DNAH12: variants seen among roughly 807,000 people sequenced by gnomAD.
DNAH12 encodes dynein axonemal heavy chain 12, also known as axonemal beta dynein heavy chain 12.
A neutral mutation model predicts 371.5 loss-of-function variants in DNAH12; 285 were observed. The ratio of observed to expected loss-of-function variants is 0.77; its 90% CI spans 0.70 to 0.85. The LOEUF (loss-of-function observed/expected upper bound fraction) is 0.85, where lower values mean the gene tolerates loss of function less well. Among genes scored for constraint, DNAH12 ranks in the 40% least tolerant of loss-of-function variants. The probability of loss-of-function intolerance (pLI) is 0.00; values close to 1 mark genes in which losing one functional copy is unlikely to be tolerated. For missense variants in DNAH12, 3,611 were observed against 3,689.4 expected (o/e 0.98, Z 0.55); for synonymous variants, 1,200 against 1,213.0 (o/e 0.99, Z 0.22).
intron 13 of DNAH12, among the ~76,000 whole-genome samples, chr3:57,482,385 C>G (rs1197766569): frequency 2.0e-5 from 3 of 152,052 alleles, no homozygotes; most frequent in Non-Finnish European, 4.4e-5. Context: ...CCATCTCACA[C>G]CAGTTAGAAT....
At chr3:57,424,603 C>G (rs1259686098) in intron 35 of DNAH12, among the ~76,000 whole-genome samples, 1 of 151,810 alleles carries the variant, frequency 6.6e-6, no homozygotes, top group Non-Finnish European at 1.5e-5. Context: ...TGGTGAAACT[C>G]CGTCTCTACT....
chr3:57,323,140 G>C lies in DNAH12; in HGVS notation c.10250C>G (p.Thr3417Ser). 5 of 1,552,376 alleles carry C rather than the reference G, an allele frequency of 3.2e-6. No homozygotes were observed. The highest frequency in any genetic ancestry group is 4.4e-6 in the Non-Finnish European group (5 of 1,147,148). Residue 3417 changes from threonine to serine, a missense_variant, in exon 64 of 74, where the codon ACT becomes AGT. By Grantham distance (58) the Thr-to-Ser change is moderately conservative. This residue lies in a region of DNAH12 where 2,266 missense variants were observed against 2,236.9 expected (regional missense o/e 1.01). Transcript: ENST00000495027. ...KMIKAAIEEG[T>S]WVCLQNCHLA... ...ATGGCAATTCTGTAGGCACACCCAAGTTCCTTCTTCAATTGCTGCTTTAAT... is the reference window on the plus strand; with the variant it reads ...ATGGCAATTCTGTAGGCACACCCAACTTCCTTCTTCAATTGCTGCTTTAAT...
chr3:57,533,468 A>G (rs945539150), intron 2 of DNAH12, among the ~76,000 whole-genome samples: 4 of 151,796 alleles, frequency 2.6e-5, no homozygotes, highest in Admixed American at 6.6e-5. Context: ...ATTTCAGACA[A>G]GCCAGCATGC....
At chr3:57,302,059 A>G (rs2061358979) in intron 69 of DNAH12, 120 bp from the exon 70 acceptor site, 1 of 1,013,572 alleles carries the variant, frequency 9.9e-7, no homozygotes, top group Admixed American at 2.4e-5. Flanking sequence ...AAAATGTGTC[A>G]CCTCCCATGT....
chr3:57,543,077 T>C (rs1015628979), intron 1 of DNAH12, among the ~76,000 whole-genome samples, 174 bp from the exon 2 acceptor site: 10 of 152,196 alleles, frequency 6.6e-5, no homozygotes, highest in Admixed American at 3.3e-4. Context: ...GGATTCCTGT[T>C]AGAACTCTAA....
chr3:57,397,425 C>T (rs2063767188), intron 43 of DNAH12, among the ~76,000 whole-genome samples: 1 of 152,192 alleles, frequency 6.6e-6, no homozygotes, highest in Admixed American at 6.5e-5. Context: ...GCTCCTTCCT[C>T]AGGACAGAAG....
Position 57,523,573 on chromosome 3 carries a change from T to C in DNAH12, c.279+10A>G, listed in dbSNP as rs1474164295. On this transcript the variant is annotated intron_variant, in intron 4 of 73. Coordinates refer to ENST00000495027, the MANE Select transcript of DNAH12 (RefSeq NM_001366028.2). ...ATTTTCAAACAAGAAATATAAAAACTTGAACTCACTCCTTTTTTTTTCATT... is the reference window on the plus strand; with the variant it reads ...ATTTTCAAACAAGAAATATAAAAACCTGAACTCACTCCTTTTTTTTTCATT... The C allele has an allele frequency of 5.1e-6, 8 of 1,581,682 alleles. No homozygotes were observed. The highest frequency in any genetic ancestry group is 6.9e-6 in the Non-Finnish European group (8 of 1,164,484).
chr3:57,323,385 C>CG (rs2061855740), intron 63 of DNAH12, 84 bp downstream of exon 63: 3 of 1,472,322 alleles, frequency 2.0e-6, no homozygotes, highest in Admixed American at 5.4e-5. Flanking sequence ...GATTTACTAA[C>CG]TGATTTATAA....
intron 62 of DNAH12, among the ~76,000 whole-genome samples, chr3:57,333,284 T>C (rs144046767): frequency 0.014 from 2,108 of 149,838 alleles, 38 homozygotes; most frequent in African/African-American, 0.05. Flanking sequence ...ACTGGGATTA[T>C]AGGCATGAGC....
Position 57,468,894 on chromosome 3 carries a change from G to A in DNAH12, c.2191C>T (p.Leu731=). The change falls in exon 17 of 74, where the codon CTA becomes TTA. Residue 731 remains leucine (L), a synonymous_variant. Coordinates refer to ENST00000495027, the MANE Select transcript of DNAH12 (RefSeq NM_001366028.2). ...EEFSREIFKT[L]KFFQTKLKKE... Reference sequence around the variant, plus strand: ...TTTAGCTTCGTTTGGAAAAATTTTAGTGTCTTAAAAATTTCTCGGGAAAAC... The same window carrying A: ...TTTAGCTTCGTTTGGAAAAATTTTAATGTCTTAAAAATTTCTCGGGAAAAC... 1.3e-6 allele frequency: 2 copies of A among 1,523,160 alleles called. No homozygotes were observed. Among genetic ancestry groups the A allele is most frequent in the African/African-American group, 1.4e-5 (1 of 70,642 alleles). 94.4% of individuals were successfully genotyped at this position (1,523,160 alleles called of 1,614,324 possible).
At position 57,519,194 on chromosome 3, in the gene DNAH12, C is replaced by A. The variant is rs570679805; in HGVS notation, c.279+4389G>T. Among the ~76,000 whole-genome samples the A allele has an allele frequency of 2.6e-5, 4 of 152,262 alleles. No individual in the cohort carries two copies. In the East Asian group the frequency reaches 7.7e-4, roughly 29 times the overall value. ...GCGTGCTTATTTGCCATCCGTGTAT[C>A]CTCTATGGTAAAATGTCTGTTCATA... On this transcript the variant is annotated intron_variant, in intron 4 of 73. Transcript: ENST00000495027.
intron 2 of DNAH12, among the ~76,000 whole-genome samples, chr3:57,529,864 C>G (rs2068780671): frequency 6.6e-6 from 1 of 152,008 alleles, no homozygotes; most frequent in Admixed American, 6.6e-5. Flanking sequence ...TTGATGTAGA[C>G]ACTTATAGCT....
At chr3:57,411,549 A>AG (rs2064205769) in intron 39 of DNAH12, among the ~76,000 whole-genome samples, 1 of 92,694 alleles carries the variant, frequency 1.1e-5, no homozygotes, top group Admixed American at 1.3e-4. Context: ...AAAAAAAAAA[A>AG]AAAAAAGAAA....
In DNAH12 at chr3:57,323,169, T is replaced by G. The variant is rs1559552730; in HGVS notation, c.10221A>C (p.Lys3407Asn). Residue 3407 changes from lysine to asparagine, a missense_variant, in exon 64 of 74, where the codon AAA becomes AAC. Lys to Asn is a moderately conservative substitution (Grantham distance 94, BLOSUM62 0). This residue lies in a region of DNAH12 where 2,266 missense variants were observed against 2,236.9 expected (regional missense o/e 1.01). Coordinates refer to ENST00000495027, the MANE Select transcript of DNAH12 (RefSeq NM_001366028.2). ...LGQGQGPIAA[K>N]MIKAAIEEGT... ...CTTCTTCAATTGCTGCTTTAATCATTTTTGCTGCAATCGGTCCTTGTCCCT... is the reference window on the plus strand; with the variant it reads ...CTTCTTCAATTGCTGCTTTAATCATGTTTGCTGCAATCGGTCCTTGTCCCT... The G allele has an allele frequency of 6.4e-7, 1 of 1,552,410 alleles. No individual in the cohort carries two copies. The highest frequency in any genetic ancestry group is 8.7e-7 in the Non-Finnish European group (1 of 1,147,162).
chr3:57,477,474 C>T (rs906166900), intron 13 of DNAH12, among the ~76,000 whole-genome samples: 1 of 152,290 alleles, frequency 6.6e-6, no homozygotes, highest in African/African-American at 2.4e-5. Context: ...GGCCTGCCTG[C>T]CTCTGTAGAC....
At chr3:57,505,171 G>T (rs2067706790) in intron 8 of DNAH12, among the ~76,000 whole-genome samples, 1 of 152,036 alleles carries the variant, frequency 6.6e-6, no homozygotes, top group Non-Finnish European at 1.5e-5. Context: ...TTACAGGCGT[G>T]AGCCACCACA....
chr3:57,403,241 G>A (rs1161792448), intron 43 of DNAH12, 68 bp downstream of exon 43: 23 of 1,432,772 alleles, frequency 1.6e-5, no homozygotes, highest in Non-Finnish European at 2.1e-5. Flanking sequence ...ACACAGGCTG[G>A]TTCTCTCTTT....
At position 57,468,890 on chromosome 3, in the gene DNAH12, T is replaced by G. The variant is rs1162571732; in HGVS notation, c.2195A>C (p.Lys732Thr). The G allele has an allele frequency of 6.5e-7, 1 of 1,529,044 alleles. No individual in the cohort carries two copies. The highest frequency in any genetic ancestry group is 8.8e-7 in the Non-Finnish European group (1 of 1,141,824). The allele number at this position is 1,529,044 out of a possible 1,614,324, so 94.7% of individuals were successfully genotyped here. A position where few individuals can be genotyped will look rare whatever the true frequency, so the allele number is the denominator to read the frequency against. ...EFSREIFKTL[K>T]FFQTKLKKEL... Reference sequence around the variant, plus strand: ...TTTCTTTAGCTTCGTTTGGAAAAATTTTAGTGTCTTAAAAATTTCTCGGGA... The same window carrying G: ...TTTCTTTAGCTTCGTTTGGAAAAATGTTAGTGTCTTAAAAATTTCTCGGGA... Residue 732 changes from lysine (K) to threonine (T), a missense_variant, in exon 17 of 74, where the codon AAA becomes ACA. Physicochemically the swap from Lys to Thr is moderately conservative, Grantham distance 78 (BLOSUM62 -1). This residue lies in a region of DNAH12 where 1,314 missense variants were observed against 1,398.7 expected (regional missense o/e 0.94). Coordinates refer to ENST00000495027, the MANE Select transcript of DNAH12 (RefSeq NM_001366028.2).
At chr3:57,322,843 T>A (rs1182277131) in intron 64 of DNAH12, among the ~76,000 whole-genome samples, 164 bp downstream of exon 64, 1 of 152,224 alleles carries the variant, frequency 6.6e-6, no homozygotes, top group African/African-American at 2.4e-5. Context: ...GGCAGGAGAA[T>A]CGCTTGAACC....
Sources: allele counts gnomAD v4.1 joint callset (sites outside exome capture counted in the v4.1 genomes callset), GRCh38; gene constraint gnomAD v4.1.1; regional missense constraint gnomAD v4.1.1; transcripts MANE v1.5; gene names NCBI Gene and HGNC (gene_info 2026-07-23, HGNC 2026-07-21).